The following ZBTB7C variants were observed in gnomAD, a reference collection of about 807,000 sequenced individuals.
ZBTB7C encodes the protein zinc finger and BTB domain-containing protein 7C.
ZBTB7C carries 8 observed loss-of-function variants against 25.7 expected under a neutral mutation model. The ratio of observed to expected loss-of-function variants is 0.31; its 90% CI spans 0.18 to 0.56. The LOEUF is 0.56. Among genes scored for constraint, ZBTB7C ranks in the 20% least tolerant of loss-of-function variants. The probability of loss-of-function intolerance (pLI) is 0.91; values close to 1 mark genes in which losing one functional copy is unlikely to be tolerated. For synonymous variants in ZBTB7C, 394 were observed against 369.0 expected, an observed-to-expected ratio of 1.07 and a Z score of -0.78; for missense variants, 824 against 855.2, an observed-to-expected ratio of 0.96 and a Z score of 0.46.
rs769013311 is a variant in ZBTB7C, at chr18:48,029,293, G to A, written c.1827C>T (p.Asn609=). The A allele has an allele frequency of 5.8e-6, 9 of 1,538,726 alleles. No individual in the cohort carries two copies. In the South Asian group the frequency reaches 7.1e-5, roughly 12 times the overall value. ...LAGLPGLAGL[N]HVASMSEANN ...TGGCTTCGGACATGGAGGCCACGTGGTTGAGGCCGGCGAGCCCAGGGAGGC... is the reference window on the plus strand; with the variant it reads ...TGGCTTCGGACATGGAGGCCACGTGATTGAGGCCGGCGAGCCCAGGGAGGC... The change falls in exon 5 of 5, where the codon AAC becomes AAT. Residue 609 remains asparagine, a synonymous_variant. Coordinates refer to ENST00000590800, the MANE Select transcript of ZBTB7C (RefSeq NM_001318841.2).
intron 2 of ZBTB7C, among the ~76,000 whole-genome samples, chr18:48,319,824 C>G (rs1645257321): frequency 6.6e-6 from 1 of 152,030 alleles, no homozygotes; most frequent in Non-Finnish European, 1.5e-5. Flanking sequence ...AGCCCACACA[C>G]AGACCAATAA....
Position 48,130,419 on chromosome 18 carries a change from C to T in ZBTB7C, c.-17+55515G>A, listed in dbSNP as rs73958006. On this transcript the variant is annotated intron_variant, in intron 3 of 4. Coordinates refer to ENST00000590800, the MANE Select transcript of ZBTB7C (RefSeq NM_001318841.2). ...AGAAAGTGATGCTAGGTCAATCCTA[C>T]CATATCACAGTTGTGCACACAGCTA... Among the ~76,000 whole-genome samples the T allele has an allele frequency of 1.6e-3, 246 of 152,244 alleles. 2 individuals are homozygous for T. The highest frequency in any genetic ancestry group is 5.7e-3 in the African/African-American group (237 of 41,556).
At chr18:48,293,942 C>T (rs1443797971) in intron 2 of ZBTB7C, among the ~76,000 whole-genome samples, 1 of 152,214 alleles carries the variant, frequency 6.6e-6, no homozygotes, top group Non-Finnish European at 1.5e-5. Context: ...TTAAACTTCA[C>T]CTAGAACAAT....
intron 3 of ZBTB7C, among the ~76,000 whole-genome samples, chr18:48,138,384 C>T (rs1568248862): frequency 1.3e-5 from 2 of 152,130 alleles, no homozygotes; most frequent in Non-Finnish European, 2.9e-5. Context: ...GAGCCTGCCC[C>T]AGAGAGGCAG....
intron 2 of ZBTB7C, among the ~76,000 whole-genome samples, chr18:48,272,930 T>C (rs906541955): frequency 6.6e-6 from 1 of 152,206 alleles, no homozygotes; most frequent in African/African-American, 2.4e-5. Flanking sequence ...ATTCTATTTA[T>C]ATGAAACATA....
At chr18:48,315,611 G>A (rs1042844731) in intron 2 of ZBTB7C, among the ~76,000 whole-genome samples, 3 of 152,074 alleles carry the variant, frequency 2.0e-5, no homozygotes, top group Non-Finnish European at 2.9e-5. Flanking sequence ...GGGAGGTAAC[G>A]AGGTAGACTG....
chr18:48,194,240 C>A (rs1230858231), intron 2 of ZBTB7C, among the ~76,000 whole-genome samples: 6 of 152,228 alleles, frequency 3.9e-5, no homozygotes, highest in Admixed American at 1.3e-4. Context: ...CAGGCAAGTA[C>A]TCCTGGATTC....
At chr18:48,401,910 G>A (rs188085374) in intron 1 of ZBTB7C, among the ~76,000 whole-genome samples, 14 of 152,106 alleles carry the variant, frequency 9.2e-5, no homozygotes, top group East Asian at 1.9e-4. Context: ...ACAGTCAACC[G>A]TCCCATCCTG....
At position 48,090,495 on chromosome 18, in the gene ZBTB7C, T is replaced by C. The variant is rs930039274; in HGVS notation, c.-16-49372A>G. ...AAGGCAGGAAGAACAAACCAAGTCCTCCGTCAGCTACTTCTCCCTGCTGTG... is the reference window on the plus strand; with the variant it reads ...AAGGCAGGAAGAACAAACCAAGTCCCCCGTCAGCTACTTCTCCCTGCTGTG... On this transcript the variant is annotated intron_variant, in intron 3 of 4. Coordinates refer to ENST00000590800, the MANE Select transcript of ZBTB7C (RefSeq NM_001318841.2). Among the ~76,000 whole-genome samples, 8 of 152,350 alleles carry C rather than the reference T, an allele frequency of 5.3e-5. 1 individual carries two copies. In the Middle Eastern group the frequency reaches 0.01, roughly 194 times the overall value.
At chr18:48,036,655 G>A (rs528318785) in intron 4 of ZBTB7C, among the ~76,000 whole-genome samples, 2 of 152,278 alleles carry the variant, frequency 1.3e-5, no homozygotes, top group East Asian at 1.9e-4. Context: ...TCCTTGCTGC[G>A]GGGACAAGAG....
chr18:48,088,766 G>A (rs1179569402), intron 3 of ZBTB7C, among the ~76,000 whole-genome samples: 1 of 152,144 alleles, frequency 6.6e-6, no homozygotes, highest in East Asian at 1.9e-4. Context: ...GAAGGTGGAG[G>A]TTGCAGTGAG....
chr18:48,309,181 A>G (rs1259070036), intron 2 of ZBTB7C, among the ~76,000 whole-genome samples: 1 of 152,230 alleles, frequency 6.6e-6, no homozygotes, highest in Admixed American at 6.5e-5. Context: ...TTAGGGCCAG[A>G]GTCCTGGAGA....
chr18:48,097,416 A>G (rs1374730551), intron 3 of ZBTB7C, among the ~76,000 whole-genome samples: 1 of 87,732 alleles, frequency 1.1e-5, no homozygotes, highest in Non-Finnish European at 2.5e-5. Context: ...ATTATTATTG[A>G]GACAGAGTCT....
chr18:48,337,928 G>A (rs900583600), intron 2 of ZBTB7C, among the ~76,000 whole-genome samples: 4 of 152,170 alleles, frequency 2.6e-5, no homozygotes, highest in African/African-American at 9.7e-5. Flanking sequence ...AAGGCATCAG[G>A]CCTTCCCATA....
At chr18:48,154,138 C>A (rs1048536298) in intron 3 of ZBTB7C, among the ~76,000 whole-genome samples, 1 of 152,184 alleles carries the variant, frequency 6.6e-6, no homozygotes, top group Non-Finnish European at 1.5e-5. Context: ...TAGGGCTGGG[C>A]ACAATTCTGG....
chr18:48,275,472 G>A (rs1409689121), intron 2 of ZBTB7C, among the ~76,000 whole-genome samples: 2 of 152,242 alleles, frequency 1.3e-5, no homozygotes, highest in East Asian at 3.9e-4. Flanking sequence ...CCAGTACAGT[G>A]CCCGGCCCAG....
At chr18:48,138,374 G>A (rs1555698570) in intron 3 of ZBTB7C, among the ~76,000 whole-genome samples, 2 of 152,194 alleles carry the variant, frequency 1.3e-5, no homozygotes, top group African/African-American at 4.8e-5. Flanking sequence ...GCCCTGCAGG[G>A]AGCCTGCCCC....
intron 2 of ZBTB7C, among the ~76,000 whole-genome samples, chr18:48,259,886 A>G (rs990535098): frequency 2.6e-5 from 4 of 152,240 alleles, no homozygotes; most frequent in African/African-American, 9.6e-5. Context: ...ATACAGACCA[A>G]CTAGAACTCT....
intron 3 of ZBTB7C, among the ~76,000 whole-genome samples, chr18:48,180,963 G>T (rs1035515324): frequency 1.3e-5 from 2 of 152,232 alleles, no homozygotes; most frequent in South Asian, 2.1e-4. Flanking sequence ...GCACTTACTG[G>T]CTGTGTGACC....
Sources: allele counts gnomAD v4.1 joint callset (sites outside exome capture counted in the v4.1 genomes callset), GRCh38; gene constraint gnomAD v4.1.1; transcripts MANE v1.5; gene names NCBI Gene and HGNC (gene_info 2026-07-23, HGNC 2026-07-21).